DPP8: variants seen among roughly 807,000 people sequenced by gnomAD.
DPP8 encodes the protein DPP VIII.
In DPP8, 31 loss-of-function variants were observed where a neutral mutation model predicts 107.5. That is an observed-to-expected ratio of 0.29 (90% CI 0.22 to 0.39). The LOEUF (loss-of-function observed/expected upper bound fraction) is 0.39, where lower values mean the gene tolerates loss of function less well. DPP8 is among the 10% of genes least tolerant of loss of function. The pLI is 1.00. For missense variants in DPP8, 842 were observed against 1,076.1 expected (o/e 0.78, Z 3.04); for synonymous variants, 381 against 356.6 (o/e 1.07, Z -0.77).
intron 12 of DPP8, 56 bp from the exon 13 acceptor site, chr15:65,467,279 AC>A: frequency 6.4e-7 from 1 of 1,572,784 alleles, no homozygotes; most frequent in Non-Finnish European, 8.7e-7. Context: ...GGCAAAGCTA[AC>A]CCCCAATTTT....
intron 1 of DPP8, chr15:65,516,042 G>A: frequency 2.6e-6 from 1 of 390,748 alleles, no homozygotes; most frequent in East Asian, 3.7e-5. Flanking sequence ...TTGGTGTCCA[G>A]ACAAAGGAAA....
intron 11 of DPP8, among the ~76,000 whole-genome samples, chr15:65,478,188 G>C (rs757553202): frequency 6.6e-6 from 1 of 152,140 alleles, no homozygotes; most frequent in Non-Finnish European, 1.5e-5. Flanking sequence ...CTCCAGTGTA[G>C]ATGCAGATAG....
chr15:65,515,106 G>A (rs999812135), intron 1 of DPP8, among the ~76,000 whole-genome samples: 2 of 152,158 alleles, frequency 1.3e-5, no homozygotes, highest in Non-Finnish European at 2.9e-5. Context: ...AGCCTCCTGA[G>A]CAGCTAAGAC....
At chr15:65,477,669 A>C (rs1411752658) in intron 11 of DPP8, among the ~76,000 whole-genome samples, 1 of 151,128 alleles carries the variant, frequency 6.6e-6, no homozygotes, top group Non-Finnish European at 1.5e-5. Flanking sequence ...AGCTGGGACT[A>C]CAGGCGCCCA....
intron 12 of DPP8, among the ~76,000 whole-genome samples, chr15:65,473,485 T>C (rs528743073): frequency 1.3e-5 from 2 of 151,974 alleles, no homozygotes; most frequent in East Asian, 1.9e-4. Flanking sequence ...CCAGACAATA[T>C]ATATGAGACC....
intron 19 of DPP8, among the ~76,000 whole-genome samples, chr15:65,448,671 C>CAA (rs56658742): frequency 7.0e-5 from 4 of 57,408 alleles, no homozygotes; most frequent in Non-Finnish European, 9.6e-5. Context: ...AACTCCATCT[C>CAA]AAAAAAAAAA....
At chr15:65,448,218 A>T (rs954807514) in intron 19 of DPP8, among the ~76,000 whole-genome samples, 5 of 151,612 alleles carry the variant, frequency 3.3e-5, no homozygotes, top group African/African-American at 7.3e-5. Context: ...GACTCTATTT[A>T]AAAAAAATAA....
Position 65,446,814 on chromosome 15 carries a change from T to C in DPP8, c.*70A>G. ...AAAATGTGATGATCAATTCTGTGTT[T>C]TCTGTTGATTAAACCTCCTCATTTG... is the stretch of plus-strand genomic sequence containing the variant. On this transcript the variant is annotated 3_prime_UTR_variant, in exon 20 of 20. Coordinates refer to ENST00000300141, the MANE Select transcript of DPP8 (RefSeq NM_130434.5). 1 of 1,450,870 alleles carries C rather than the reference T, an allele frequency of 6.9e-7. No homozygotes were observed. The highest frequency in any genetic ancestry group is 9.3e-7 in the Non-Finnish European group (1 of 1,080,034). 89.9% of individuals were successfully genotyped at this position (1,450,870 alleles called of 1,614,324 possible). A position where few individuals can be genotyped will look rare whatever the true frequency, so the allele number is the denominator to read the frequency against.
At chr15:65,457,606 T>C (rs1003401521) in intron 15 of DPP8, among the ~76,000 whole-genome samples, 3 of 152,138 alleles carry the variant, frequency 2.0e-5, no homozygotes, top group Non-Finnish European at 4.4e-5. Flanking sequence ...CCCTTTATGG[T>C]CCATGAAGTG....
chr15:65,500,850 T>A, intron 3 of DPP8, 71 bp from the exon 4 acceptor site: 1 of 936,110 alleles, frequency 1.1e-6, no homozygotes, highest in Non-Finnish European at 1.6e-6. Context: ...ACTGAAATCC[T>A]AGAATCTCCA....
rs1032771854 is a variant in DPP8, at chr15:65,467,064, T to C, written c.1689+7A>G. ...GACACAAAACCCTTTTTAAACAAAC[T>C]TAATACCTGACTGATGCAGCAAGAA... On this transcript the variant is annotated splice_region_variant and intron_variant, in intron 13 of 19. Transcript: ENST00000300141. 2 of 1,614,092 alleles carry C rather than the reference T, an allele frequency of 1.2e-6. No individual in the cohort carries two copies. Among genetic ancestry groups the C allele is most frequent in the African/African-American group, 2.7e-5 (2 of 75,056 alleles).
Position 65,481,498 on chromosome 15 carries a change from C to A in DPP8, c.1118+17G>T, listed in dbSNP as rs201775746. The A allele has an allele frequency of 3.8e-3, 5,584 of 1,472,724 alleles. 15 individuals carry two copies. Among genetic ancestry groups the A allele is most frequent in the Non-Finnish European group, 4.8e-3 (5,164 of 1,072,478 alleles). The allele number at this position is 1,472,724 out of a possible 1,614,324, so 91.2% of individuals were successfully genotyped here. On this transcript the variant is annotated intron_variant, in intron 9 of 19. Coordinates refer to ENST00000300141, the MANE Select transcript of DPP8 (RefSeq NM_130434.5). ...TCCTAAATTAGTTATAAAGAAGTAA[C>A]AATTTAACATACGCACTATTTTCCC...
intron 17 of DPP8, among the ~76,000 whole-genome samples, chr15:65,453,935 C>T (rs1359048241): frequency 6.6e-6 from 1 of 151,910 alleles, no homozygotes; most frequent in African/African-American, 2.4e-5. Context: ...TGGTGAAATC[C>T]CATCTCTACT....
intron 14 of DPP8, among the ~76,000 whole-genome samples, chr15:65,464,950 T>C (rs1567166741): frequency 6.6e-6 from 1 of 152,172 alleles, no homozygotes; most frequent in African/African-American, 2.4e-5. Context: ...CAAAAACATT[T>C]GCTTCTGATC....
At chr15:65,511,839 A>G (rs988680193) in intron 2 of DPP8, 1 of 246,614 alleles carries the variant, frequency 4.1e-6, no homozygotes, top group Non-Finnish European at 8.3e-6. Flanking sequence ...AAAATTTAAC[A>G]AACAAGAAAG....
At chr15:65,480,454 G>T in intron 9 of DPP8, 55 bp from the exon 10 acceptor site, 3 of 1,381,728 alleles carry the variant, frequency 2.2e-6, no homozygotes, top group Non-Finnish European at 3.0e-6. Context: ...ATCAGAAAAA[G>T]ATTTCCCTAT....
intron 3 of DPP8, among the ~76,000 whole-genome samples, chr15:65,503,476 G>C (rs2069503826): frequency 6.7e-6 from 1 of 148,786 alleles, no homozygotes; most frequent in Non-Finnish European, 1.5e-5. Context: ...AGTCTCCCTT[G>C]GTCACCCTAG....
intron 10 of DPP8, among the ~76,000 whole-genome samples, chr15:65,479,418 G>C (rs957462263): frequency 7.2e-5 from 11 of 152,094 alleles, no homozygotes; most frequent in Non-Finnish European, 1.3e-4. Flanking sequence ...TTTTCTAATA[G>C]TTCAGGGGAA....
chr15:65,491,062 G>A (rs562030416), intron 5 of DPP8, among the ~76,000 whole-genome samples: 1 of 150,970 alleles, frequency 6.6e-6, no homozygotes, highest in South Asian at 2.1e-4. Context: ...GGAGTCTGAG[G>A]CAGGAGAATC....
Sources: gnomAD v4.1 joint callset for allele counts (sites outside exome capture counted in the v4.1 genomes callset) on GRCh38, gnomAD v4.1.1 for gene constraint, MANE v1.5 for transcripts, NCBI Gene and HGNC (gene_info 2026-07-23, HGNC 2026-07-21) for gene names.